Variants in SNTG1 observed in about 807,000 individuals in gnomAD.
SNTG1 encodes the protein syntrophin gamma 1.
Under a neutral mutation model 74.7 loss-of-function variants are expected in SNTG1, and 39 were observed. That is an observed-to-expected ratio of 0.52 (90% confidence interval 0.40 to 0.68). The LOEUF is 0.68. Ranked by LOEUF, SNTG1 falls within the 30% of genes least tolerant of loss-of-function variation. The probability of loss-of-function intolerance (pLI) is 0.00; values close to 1 mark genes in which losing one functional copy is unlikely to be tolerated. For synonymous variants in SNTG1, 254 were observed against 217.1 expected, an observed-to-expected ratio of 1.17 and a Z score of -1.49; for missense variants, 685 against 609.5, an observed-to-expected ratio of 1.12 and a Z score of -1.30.
intron 1 of SNTG1, among the ~76,000 whole-genome samples, chr8:50,070,204 T>C (rs1270801321): frequency 6.6e-6 from 1 of 152,172 alleles, no homozygotes; most frequent in Admixed American, 6.5e-5. Context: ...TAAAAACAGA[T>C]CTTAGCTCAG....
chr8:50,165,801 C>A (rs1171981105), intron 1 of SNTG1, among the ~76,000 whole-genome samples: 1 of 152,100 alleles, frequency 6.6e-6, no homozygotes, highest in Non-Finnish European at 1.5e-5. Context: ...CTAGTTGAAC[C>A]TAAAGTCGCA....
At chr8:50,110,151 C>T (rs2080527521) in intron 1 of SNTG1, among the ~76,000 whole-genome samples, 1 of 152,168 alleles carries the variant, frequency 6.6e-6, no homozygotes, top group African/African-American at 2.4e-5. Context: ...CCTCTGCCCT[C>T]TTCCCTTATC....
At chr8:49,960,947 C>T (rs1810627286) in intron 1 of SNTG1, among the ~76,000 whole-genome samples, 1 of 152,090 alleles carries the variant, frequency 6.6e-6, no homozygotes. Context: ...ACAGGAAGAG[C>T]ATTATCAGGA....
At chr8:50,154,953 T>C (rs1049881652) in intron 1 of SNTG1, among the ~76,000 whole-genome samples, 1 of 152,256 alleles carries the variant, frequency 6.6e-6, no homozygotes, top group Non-Finnish European at 1.5e-5. Flanking sequence ...TGTAATTTGT[T>C]ACACTTAGAA....
intron 1 of SNTG1, among the ~76,000 whole-genome samples, chr8:50,138,015 T>C (rs960078703): frequency 2.0e-5 from 3 of 152,192 alleles, no homozygotes; most frequent in Admixed American, 2.0e-4. Flanking sequence ...AATATCTTTC[T>C]TATCAATAAA....
chr8:50,143,602 G>A (rs2081751343), intron 1 of SNTG1, among the ~76,000 whole-genome samples: 2 of 152,150 alleles, frequency 1.3e-5, no homozygotes, highest in Admixed American at 1.3e-4. Flanking sequence ...ACATACATAT[G>A]CATAACATTT....
At chr8:49,945,726 G>T (rs1809119933) in intron 1 of SNTG1, among the ~76,000 whole-genome samples, 1 of 152,088 alleles carries the variant, frequency 6.6e-6, no homozygotes, top group Non-Finnish European at 1.5e-5. Flanking sequence ...GCAAGCCTCA[G>T]CACACAGGCA....
At chr8:50,390,723 G>A (rs1014213071) in intron 2 of SNTG1, among the ~76,000 whole-genome samples, 1 of 152,242 alleles carries the variant, frequency 6.6e-6, no homozygotes, top group East Asian at 1.9e-4. Flanking sequence ...TTTTCCATTT[G>A]TTTGTGTCCT....
chr8:50,429,832 T>C (rs2093211535), intron 4 of SNTG1, among the ~76,000 whole-genome samples: 1 of 152,062 alleles, frequency 6.6e-6, no homozygotes, highest in African/African-American at 2.4e-5. Flanking sequence ...GACTAGATGT[T>C]TCACTAAAGA....
chr8:50,484,940 A>G (rs1206352761), intron 8 of SNTG1, among the ~76,000 whole-genome samples: 2 of 152,208 alleles, frequency 1.3e-5, no homozygotes, highest in African/African-American at 4.8e-5. Flanking sequence ...TTGTCTGCCC[A>G]TCTGCAAGAT....
At chr8:50,720,849 T>C (rs1201586527) in intron 17 of SNTG1, among the ~76,000 whole-genome samples, 2 of 152,234 alleles carry the variant, frequency 1.3e-5, no homozygotes, top group African/African-American at 4.8e-5. Context: ...TAAATCGTTC[T>C]TTCAAATGTT....
At chr8:50,473,479 A>G (rs981935292) in intron 8 of SNTG1, among the ~76,000 whole-genome samples, 2 of 152,196 alleles carry the variant, frequency 1.3e-5, no homozygotes, top group East Asian at 3.9e-4. Context: ...GAAATGTAAA[A>G]TGGTATAGCC....
At chr8:49,950,641 C>T (rs549693732) in intron 1 of SNTG1, among the ~76,000 whole-genome samples, 1 of 152,188 alleles carries the variant, frequency 6.6e-6, no homozygotes, top group African/African-American at 2.4e-5. Context: ...AGAGATATTT[C>T]ATCTGTGAAA....
intron 8 of SNTG1, among the ~76,000 whole-genome samples, chr8:50,485,174 T>C (rs2093779933): frequency 6.6e-6 from 1 of 152,126 alleles, no homozygotes; most frequent in Non-Finnish European, 1.5e-5. Flanking sequence ...TAGAACCTTG[T>C]GGAAAAACGG....
Position 50,619,706 on chromosome 8 carries a change from G to C in SNTG1, c.849+28789G>C, listed in dbSNP as rs368321978. Among the ~76,000 whole-genome samples the C allele has an allele frequency of 1.6e-4, 24 of 150,354 alleles. No individual in the cohort carries two copies. The East Asian group carries it at 2.6e-3, about 16-fold the overall frequency. On this transcript the variant is annotated intron_variant, in intron 13 of 18. Transcript: ENST00000642720. ...AGATCGTGCCACTGCACTGCAGCCTGGGCGACAGAGCGAGACTCCGTCTCG... is the reference window on the plus strand; with the variant it reads ...AGATCGTGCCACTGCACTGCAGCCTCGGCGACAGAGCGAGACTCCGTCTCG...
rs148536934 is a variant in SNTG1, at chr8:50,617,713, C to T, written c.849+26796C>T. 1.5e-3 allele frequency among the ~76,000 whole-genome samples: 234 copies of T among 152,220 alleles called. 1 individual carries two copies. Among genetic ancestry groups the T allele is most frequent in the African/African-American group, 5.4e-3 (223 of 41,536 alleles). ...GGGGTTCCCGTGAGAGGGTCGTGATCGATTGAGCAAGAAGTGGGTACATGA... is the reference window on the plus strand; with the variant it reads ...GGGGTTCCCGTGAGAGGGTCGTGATTGATTGAGCAAGAAGTGGGTACATGA... On this transcript the variant is annotated intron_variant, in intron 13 of 18. Transcript: ENST00000642720.
intron 1 of SNTG1, among the ~76,000 whole-genome samples, chr8:49,979,423 G>A (rs529065528): frequency 6.6e-6 from 1 of 152,352 alleles, no homozygotes; most frequent in Admixed American, 6.5e-5. Context: ...GTGGCTTTAA[G>A]TCAGGTTCTG....
At chr8:50,681,218 G>A (rs2095329617) in intron 15 of SNTG1, among the ~76,000 whole-genome samples, 1 of 152,024 alleles carries the variant, frequency 6.6e-6, no homozygotes, top group Non-Finnish European at 1.5e-5. Context: ...TTGGAATTAT[G>A]CAGGTTACAT....
intron 2 of SNTG1, among the ~76,000 whole-genome samples, chr8:50,393,942 T>A (rs1172283117): frequency 6.6e-6 from 1 of 152,218 alleles, no homozygotes; most frequent in African/African-American, 2.4e-5. Flanking sequence ...TCTGAATGCC[T>A]GCTGGCGGGG....
Sources: gnomAD v4.1 joint callset for allele counts (sites outside exome capture counted in the v4.1 genomes callset) on GRCh38, gnomAD v4.1.1 for gene constraint, MANE v1.5 for transcripts, NCBI Gene and HGNC (gene_info 2026-07-23, HGNC 2026-07-21) for gene names.